HS6ST3: variants seen among roughly 807,000 people sequenced by gnomAD.
HS6ST3 encodes heparan-sulfate 6-O-sulfotransferase 3.
HS6ST3 carries 12 observed loss-of-function variants against 36.7 expected under a neutral mutation model. The ratio of observed to expected loss-of-function variants is 0.33; its 90% CI spans 0.21 to 0.53. The LOEUF (loss-of-function observed/expected upper bound fraction) is 0.53, where lower values mean the gene tolerates loss of function less well. HS6ST3 is among the 20% of genes least tolerant of loss of function. HS6ST3 has a pLI of 0.95. For missense variants in HS6ST3, 584 were observed against 640.9 expected (o/e 0.91, Z 0.96); for synonymous variants, 240 against 257.5 (o/e 0.93, Z 0.65).
intron 1 of HS6ST3, among the ~76,000 whole-genome samples, chr13:96,327,919 G>A (rs1189281186): frequency 7.1e-6 from 1 of 140,348 alleles, no homozygotes; most frequent in East Asian, 2.1e-4. Context: ...TGGATTCCTA[G>A]GTATTTTATT....
chr13:96,701,377 T>C (rs1875280187), intron 1 of HS6ST3, among the ~76,000 whole-genome samples: 1 of 152,202 alleles, frequency 6.6e-6, no homozygotes, highest in African/African-American at 2.4e-5. Flanking sequence ...ACATTATGTA[T>C]AGACAAATCC....
At chr13:96,742,650 G>A (rs574713313) in intron 1 of HS6ST3, among the ~76,000 whole-genome samples, 1 of 152,036 alleles carries the variant, frequency 6.6e-6, no homozygotes, top group Non-Finnish European at 1.5e-5. Context: ...TATTTCAACT[G>A]CATATTCAGA....
chr13:96,542,755 G>A (rs2056183152), intron 1 of HS6ST3, among the ~76,000 whole-genome samples: 1 of 152,134 alleles, frequency 6.6e-6, no homozygotes, highest in Non-Finnish European at 1.5e-5. Flanking sequence ...TGGGGAAGAG[G>A]ACTACAACGG....
Position 96,399,742 on chromosome 13 carries a change from CTCT to C in HS6ST3, c.707+308178_707+308180del, listed in dbSNP as rs573274056. Among the ~76,000 whole-genome samples, 54 of 152,360 alleles carry C rather than the reference CTCT, an allele frequency of 3.5e-4. 1 individual carries two copies. Among genetic ancestry groups the C allele is most frequent in the African/African-American group, 1.2e-3 (50 of 41,588 alleles). ...GCTGGTGCCATTGGTCATGCTGTCT[CTCT>C]TCTTACGGGCTTTCAACAGATGAGT... On this transcript the variant is annotated intron_variant, in intron 1 of 1. Coordinates refer to ENST00000376705, the MANE Select transcript of HS6ST3 (RefSeq NM_153456.4).
chr13:96,357,775 G>A (rs995100346), intron 1 of HS6ST3, among the ~76,000 whole-genome samples: 2 of 152,092 alleles, frequency 1.3e-5, no homozygotes, highest in Non-Finnish European at 2.9e-5. Flanking sequence ...TCCTGCCTTG[G>A]CCTCTTAAAG....
intron 1 of HS6ST3, among the ~76,000 whole-genome samples, chr13:96,750,000 A>G (rs1876659850): frequency 6.6e-6 from 1 of 152,226 alleles, no homozygotes; most frequent in Non-Finnish European, 1.5e-5. Flanking sequence ...TTTGATAATT[A>G]AATTGAAGAA....
At chr13:96,344,957 T>C (rs986082910) in intron 1 of HS6ST3, among the ~76,000 whole-genome samples, 1 of 152,160 alleles carries the variant, frequency 6.6e-6, no homozygotes, top group Non-Finnish European at 1.5e-5. Flanking sequence ...TTCAATTGTG[T>C]GAGGATCAGA....
intron 1 of HS6ST3, among the ~76,000 whole-genome samples, chr13:96,702,130 A>G (rs1875304772): frequency 6.6e-6 from 1 of 152,224 alleles, no homozygotes; most frequent in Non-Finnish European, 1.5e-5. Flanking sequence ...CGATGGAGTT[A>G]CATATCTTGG....
At chr13:96,091,622 C>G in intron 1 of HS6ST3, 53 bp downstream of exon 1, 2 of 1,495,940 alleles carry the variant, frequency 1.3e-6, no homozygotes, top group Non-Finnish European at 1.8e-6. Context: ...CATCCCTCTT[C>G]CTCAGTCCTG....
At chr13:96,267,772 A>T (rs1314036644) in intron 1 of HS6ST3, among the ~76,000 whole-genome samples, 2 of 152,050 alleles carry the variant, frequency 1.3e-5, no homozygotes, top group Non-Finnish European at 2.9e-5. Context: ...TAAGTCAAGA[A>T]TTTCATGTGG....
chr13:96,103,475 T>C (rs2053827134), intron 1 of HS6ST3, among the ~76,000 whole-genome samples: 1 of 152,202 alleles, frequency 6.6e-6, no homozygotes, highest in African/African-American at 2.4e-5. Context: ...GTCAAACAAA[T>C]GTTGACTGAA....
intron 1 of HS6ST3, among the ~76,000 whole-genome samples, chr13:96,619,082 A>G (rs1228308399): frequency 1.3e-5 from 2 of 152,184 alleles, no homozygotes; most frequent in African/African-American, 2.4e-5. Flanking sequence ...TTCTTCTCTA[A>G]AAGTCAAATT....
chr13:96,544,745 C>T lies in HS6ST3; in HGVS notation c.708-287745C>T, dbSNP rs117851959. ...TGTGCATAAAGTTTTCATCACCTTCCGAAGTGCCGTCCTCTCTGGTGAATG... is the reference window on the plus strand; with the variant it reads ...TGTGCATAAAGTTTTCATCACCTTCTGAAGTGCCGTCCTCTCTGGTGAATG... On this transcript the variant is annotated intron_variant, in intron 1 of 1. Transcript: ENST00000376705. 3.5e-3 allele frequency among the ~76,000 whole-genome samples: 534 copies of T among 152,196 alleles called. 2 individuals carry two copies. Among genetic ancestry groups the T allele is most frequent in the Middle Eastern group, 6.8e-3 (2 of 294 alleles).
intron 1 of HS6ST3, among the ~76,000 whole-genome samples, chr13:96,788,636 A>G (rs971701314): frequency 6.6e-6 from 1 of 152,006 alleles, no homozygotes; most frequent in Middle Eastern, 3.4e-3. Flanking sequence ...AGGGGAACAT[A>G]TTGAATTGTG....
chr13:96,585,404 G>A (rs1470285063), intron 1 of HS6ST3, among the ~76,000 whole-genome samples: 1 of 151,518 alleles, frequency 6.6e-6, no homozygotes, highest in Non-Finnish European at 1.5e-5. Context: ...GATATTTTTG[G>A]GTATATACAC....
chr13:96,236,497 T>C (rs1376447343), intron 1 of HS6ST3, among the ~76,000 whole-genome samples: 5 of 152,084 alleles, frequency 3.3e-5, no homozygotes, highest in African/African-American at 9.7e-5. Context: ...TTCACTTTCC[T>C]CCATACTCAG....
intron 1 of HS6ST3, among the ~76,000 whole-genome samples, chr13:96,619,353 A>T (rs2056485682): frequency 6.6e-6 from 1 of 152,244 alleles, no homozygotes; most frequent in African/African-American, 2.4e-5. Context: ...ACTTCTTTTC[A>T]GTTAATTTTG....
chr13:96,341,058 A>G (rs2055127741), intron 1 of HS6ST3, among the ~76,000 whole-genome samples: 1 of 152,216 alleles, frequency 6.6e-6, no homozygotes, highest in South Asian at 2.1e-4. Context: ...AAAATAATCT[A>G]TAAAATATTC....
At chr13:96,610,268 C>T (rs1237277601) in intron 1 of HS6ST3, among the ~76,000 whole-genome samples, 4 of 152,148 alleles carry the variant, frequency 2.6e-5, no homozygotes, top group Non-Finnish European at 2.9e-5. Flanking sequence ...ATGTTCAGTT[C>T]CATGCCTGGC....
Sources: gnomAD v4.1 joint callset for allele counts (sites outside exome capture counted in the v4.1 genomes callset) on GRCh38, gnomAD v4.1.1 for gene constraint, MANE v1.5 for transcripts, NCBI Gene and HGNC (gene_info 2026-07-23, HGNC 2026-07-21) for gene names.